The following FAF1 variants were observed in gnomAD, a reference collection of about 807,000 sequenced individuals.
The protein encoded by FAF1 is Fas associated factor 1.
FAF1 carries 25 observed loss-of-function variants against 92.5 expected under a neutral mutation model. That is an observed-to-expected ratio of 0.27 (90% confidence interval 0.20 to 0.38). FAF1 has a LOEUF of 0.38. Among genes scored for constraint, FAF1 ranks in the 10% least tolerant of loss-of-function variants. The probability of loss-of-function intolerance (pLI) is 1.00; values close to 1 mark genes in which losing one functional copy is unlikely to be tolerated. For missense variants in FAF1, 636 were observed against 793.3 expected (o/e 0.80, Z 2.38); for synonymous variants, 234 against 273.2 (o/e 0.86, Z 1.42).
Position 50,490,599 on chromosome 1 carries a change from C to G in FAF1, c.1642G>C (p.Glu548Gln). 1 of 1,610,892 alleles carries G rather than the reference C, an allele frequency of 6.2e-7. No homozygotes were observed. The highest frequency in any genetic ancestry group is 1.1e-5 in the South Asian group (1 of 91,018). The change falls in exon 17 of 19, where the codon GAG (glutamate) becomes CAG (glutamine). Residue 548 changes from glutamate (E) to glutamine (Q), a missense_variant. Glu to Gln is a conservative substitution (Grantham distance 29). Coordinates refer to ENST00000396153, the MANE Select transcript of FAF1 (RefSeq NM_007051.3). ...AAATTATGCCCCACCTCACGTTCCT[C>G]TTCTTGTTCTTTGCGAATCTGCTCC... is the stretch of plus-strand genomic sequence containing the variant. Reference protein sequence around the residue: ...RLEQIRKEQEEEREAIRLSLE... With the variant: ...RLEQIRKEQEQEREAIRLSLE...
In FAF1 at chr1:50,960,062, G is replaced by A. The variant is rs1216284955; in HGVS notation, c.-251C>T. On this transcript the variant is annotated 5_prime_UTR_variant, in exon 1 of 19. Transcript: ENST00000396153. ...TGCGGAGCCCGCGTCGCAGCAGCCC[G>A]GACAGGAAGATTGGTCTGGATGTGG... 2.5e-6 allele frequency: 1 copy of A among 395,296 alleles called. No homozygotes were observed. Among genetic ancestry groups the A allele is most frequent in the Non-Finnish European group, 4.5e-6 (1 of 223,962 alleles). 24.5% of individuals were successfully genotyped at this position (395,296 alleles called of 1,614,324 possible).
At chr1:50,909,319 AT>A (rs1411773909) in intron 1 of FAF1, among the ~76,000 whole-genome samples, 1 of 152,086 alleles carries the variant, frequency 6.6e-6, no homozygotes, top group East Asian at 1.9e-4. Context: ...CTTTTCCTTC[AT>A]TTCAACTTTG....
chr1:50,503,312 T>TA (rs1315264273), intron 15 of FAF1, among the ~76,000 whole-genome samples: 1 of 152,068 alleles, frequency 6.6e-6, no homozygotes, highest in East Asian at 1.9e-4. Flanking sequence ...TCCATTTCCA[T>TA]AAAAAATTGT....
intron 4 of FAF1, among the ~76,000 whole-genome samples, chr1:50,757,330 T>A (rs72902722): frequency 1.3e-5 from 2 of 152,208 alleles, no homozygotes; most frequent in African/African-American, 4.8e-5. Flanking sequence ...TAATCTCCAA[T>A]TGTGAATTTA....
At chr1:50,513,972 G>T (rs1034518629) in intron 15 of FAF1, among the ~76,000 whole-genome samples, 2 of 152,118 alleles carry the variant, frequency 1.3e-5, no homozygotes, top group Non-Finnish European at 2.9e-5. Flanking sequence ...TCCAAACAGT[G>T]CAAATACAAT....
At chr1:50,896,705 C>T (rs1316725526) in intron 1 of FAF1, among the ~76,000 whole-genome samples, 1 of 152,182 alleles carries the variant, frequency 6.6e-6, no homozygotes, top group African/African-American at 2.4e-5. Flanking sequence ...CTGACTGTAT[C>T]ATTCCACTAA....
At chr1:50,680,867 C>A (rs1201274888) in intron 7 of FAF1, among the ~76,000 whole-genome samples, 1 of 152,052 alleles carries the variant, frequency 6.6e-6, no homozygotes, top group Non-Finnish European at 1.5e-5. Flanking sequence ...AACTTAAACA[C>A]CTCTGATTTT....
intron 7 of FAF1, among the ~76,000 whole-genome samples, chr1:50,674,041 G>A (rs983150522): frequency 2.6e-5 from 4 of 151,538 alleles, no homozygotes; most frequent in African/African-American, 7.3e-5. Flanking sequence ...ACCTCCGCCA[G>A]CCAGGTGCAA....
rs369008229 is a variant in FAF1 at position 50,539,680 on chromosome 1, G to A, written c.1317C>T (p.Thr439=). The A allele has an allele frequency of 6.2e-7, 1 of 1,611,762 alleles. No homozygotes were observed. Among genetic ancestry groups the A allele is most frequent in the Non-Finnish European group, 8.5e-7 (1 of 1,178,118 alleles). ...ACTGATCCGTTTTTTGAGTCCGAAT[G>A]GTTTGTGCCACAACACTGCCAAAGT... ...NRHFGSVVAQ[T]IRTQKTDQFP... is the part of the protein sequence containing the mutation. The change falls in exon 14 of 19, where the codon ACC becomes ACT. Residue 439 remains threonine, a synonymous_variant. Coordinates refer to ENST00000396153, the MANE Select transcript of FAF1 (RefSeq NM_007051.3).
chr1:50,942,400 GCAC>G (rs1030513912), intron 1 of FAF1, among the ~76,000 whole-genome samples: 112 of 152,102 alleles, frequency 7.4e-4, no homozygotes, highest in African/African-American at 2.7e-3. Flanking sequence ...TGGTGCCACT[GCAC>G]CACATCACAT....
chr1:50,878,210 T>C (rs1644585746), intron 1 of FAF1, among the ~76,000 whole-genome samples: 1 of 152,244 alleles, frequency 6.6e-6, no homozygotes, highest in Non-Finnish European at 1.5e-5. Flanking sequence ...TTTGTCTCCA[T>C]ATTTTACTGA....
chr1:50,558,104 G>A (rs1192056134), intron 13 of FAF1, among the ~76,000 whole-genome samples: 1 of 151,840 alleles, frequency 6.6e-6, no homozygotes, highest in Admixed American at 6.6e-5. Flanking sequence ...TCACTATGTT[G>A]GCCAGGCTGG....
intron 3 of FAF1, among the ~76,000 whole-genome samples, chr1:50,793,050 C>A (rs577450824): frequency 1.1e-4 from 16 of 151,908 alleles, no homozygotes; most frequent in Admixed American, 9.2e-4. Context: ...TTTTAAGGAA[C>A]AAAATTAAAG....
At chr1:50,458,739 T>C (rs1019960889) in intron 18 of FAF1, among the ~76,000 whole-genome samples, 16 of 152,232 alleles carry the variant, frequency 1.1e-4, no homozygotes, top group Middle Eastern at 3.2e-3. Flanking sequence ...AATTTCATCA[T>C]AATAGCTTAG....
At chr1:50,688,753 G>A (rs575360318) in intron 7 of FAF1, among the ~76,000 whole-genome samples, 49 of 152,092 alleles carry the variant, frequency 3.2e-4, no homozygotes, top group African/African-American at 1.1e-3. Context: ...CGGAGGTTGC[G>A]GTGAGCCGAG....
intron 8 of FAF1, among the ~76,000 whole-genome samples, chr1:50,651,508 A>C (rs954495474): frequency 1.3e-5 from 2 of 152,156 alleles, no homozygotes; most frequent in African/African-American, 4.8e-5. Context: ...AGCCACACAA[A>C]TTTCTTCAAC....
chr1:50,492,429 T>G (rs1045517613), intron 15 of FAF1, among the ~76,000 whole-genome samples: 13 of 152,228 alleles, frequency 8.5e-5, no homozygotes, highest in Admixed American at 7.9e-4. Context: ...AAAAGTTATC[T>G]AAGTTGAAAA....
intron 8 of FAF1, among the ~76,000 whole-genome samples, chr1:50,654,202 A>AAT (rs1349568926): frequency 6.6e-6 from 1 of 152,198 alleles, no homozygotes; most frequent in Non-Finnish European, 1.5e-5. Flanking sequence ...GCAGAAACAT[A>AAT]ATATTTACTA....
intron 7 of FAF1, among the ~76,000 whole-genome samples, chr1:50,675,951 G>A (rs533292391): frequency 1.3e-5 from 2 of 152,186 alleles, no homozygotes; most frequent in Admixed American, 1.3e-4. Context: ...CAATTCTATG[G>A]GTATAGAAAT....
Sources: allele counts gnomAD v4.1 joint callset (sites outside exome capture counted in the v4.1 genomes callset), GRCh38; gene constraint gnomAD v4.1.1; transcripts MANE v1.5; gene names NCBI Gene and HGNC (gene_info 2026-07-23, HGNC 2026-07-21).